The following FHAD1 variants were observed in gnomAD, a reference collection of about 807,000 sequenced individuals.
FHAD1 encodes forkhead associated phosphopeptide binding domain 1, also known as forkhead-associated domain-containing protein 1.
Under a neutral mutation model 191.3 loss-of-function variants are expected in FHAD1, and 146 were observed. That is an observed-to-expected ratio of 0.76 (90% CI 0.67 to 0.88). FHAD1 has a LOEUF of 0.88. Ranked by LOEUF, FHAD1 falls within the 40% of genes least tolerant of loss-of-function variation. FHAD1 has a pLI of 0.00. For missense variants in FHAD1, 1,635 were observed against 1,785.8 expected (o/e 0.92, Z 1.52); for synonymous variants, 616 against 672.3 (o/e 0.92, Z 1.29).
rs1674372454 is a variant in FHAD1 at position 15,316,147 on chromosome 1, G to C, written c.1171-231G>C. Among the ~76,000 whole-genome samples, 1 of 152,242 alleles carries C rather than the reference G, an allele frequency of 6.6e-6. No individual in the cohort carries two copies. Among genetic ancestry groups the C allele is most frequent in the Non-Finnish European group, 1.5e-5 (1 of 68,046 alleles). On this transcript the variant is annotated intron_variant, in intron 8 of 33. Coordinates refer to ENST00000688493, the MANE Select transcript of FHAD1 (RefSeq NM_001391957.1). The surrounding 1 kb of genome is among the most constrained non-coding windows in gnomAD (Gnocchi z 4.3). ...TTAGATTGCTGGCTTTTGAAGATGA[G>C]AGTAGTGGCTTTATTCCTCTGATTT...
chr1:15,239,615 A>T (rs979780859), intron 1 of FHAD1, among the ~76,000 whole-genome samples: 12 of 152,218 alleles, frequency 7.9e-5, no homozygotes, highest in Admixed American at 2.0e-4. Context: ...AACAACAAAG[A>T]ACCTTCACCA....
intron 15 of FHAD1, among the ~76,000 whole-genome samples, chr1:15,340,593 G>A (rs1285821044): frequency 6.6e-6 from 1 of 152,038 alleles, no homozygotes; most frequent in African/African-American, 2.4e-5. Context: ...AGATCCCATT[G>A]GCCAGAACAA....
rs1401471420 is a variant in FHAD1, at chr1:15,396,564, C to T, written c.4324-733C>T. Among the ~76,000 whole-genome samples the T allele has an allele frequency of 6.6e-5, 10 of 152,002 alleles. No individual in the cohort carries two copies. In the East Asian group the frequency reaches 1.2e-3, roughly 18 times the overall value. On this transcript the variant is annotated intron_variant, in intron 33 of 33. Coordinates refer to ENST00000688493, the MANE Select transcript of FHAD1 (RefSeq NM_001391957.1). ...TGGCTTATGCCTGTAATCCTAGCAC[C>T]GTGGGAGGCCAAGGCAGGCAGATCA...
Position 15,345,077 on chromosome 1 carries a change from T to G in FHAD1, c.2131-6T>G. On this transcript the variant is annotated splice_region_variant and splice_polypyrimidine_tract_variant and intron_variant, in intron 16 of 33. Transcript: ENST00000688493. Reference sequence around the variant, plus strand: ...TGTCTGTTAAACAATGGTCATTGGTTTCCAGGCTTTGGAGGAGTACATTAC... The same window carrying G: ...TGTCTGTTAAACAATGGTCATTGGTGTCCAGGCTTTGGAGGAGTACATTAC... The G allele has an allele frequency of 6.5e-7, 1 of 1,549,980 alleles. No individual in the cohort carries two copies.
chr1:15,342,600 T>C (rs1409994661), intron 16 of FHAD1, among the ~76,000 whole-genome samples: 2 of 152,136 alleles, frequency 1.3e-5, no homozygotes, highest in African/African-American at 4.8e-5. Flanking sequence ...AATCAGAACA[T>C]CTGGAGAGGG....
At chr1:15,376,553 A>G (rs1699710497) in intron 28 of FHAD1, among the ~76,000 whole-genome samples, 1 of 152,214 alleles carries the variant, frequency 6.6e-6, no homozygotes, top group Admixed American at 6.5e-5. Context: ...CTAGAGTCAG[A>G]GGGACCTGTG....
At chr1:15,392,277 A>C (rs1188592854) in intron 33 of FHAD1, among the ~76,000 whole-genome samples, 1 of 152,134 alleles carries the variant, frequency 6.6e-6, no homozygotes, top group Non-Finnish European at 1.5e-5. Context: ...TCACGCCTGT[A>C]ATCCCAGCAC....
At chr1:15,363,971 C>A in intron 23 of FHAD1, 1 of 346,934 alleles carries the variant, frequency 2.9e-6, no homozygotes. Flanking sequence ...CAAGGATACT[C>A]AGCCTCCGCA....
At chr1:15,344,029 C>G (rs754252889) in intron 16 of FHAD1, among the ~76,000 whole-genome samples, 2 of 152,222 alleles carry the variant, frequency 1.3e-5, no homozygotes, top group African/African-American at 4.8e-5. Flanking sequence ...GCGTCAGCCC[C>G]TCTTTTAAAC....
At chr1:15,348,002 G>C (rs1263585245) in intron 18 of FHAD1, among the ~76,000 whole-genome samples, 2 of 152,188 alleles carry the variant, frequency 1.3e-5, no homozygotes, top group African/African-American at 4.8e-5. Context: ...CGCAGAGTCA[G>C]ACACAGCAGA....
chr1:15,332,978 C>A (rs1175408922), intron 14 of FHAD1, among the ~76,000 whole-genome samples: 1 of 152,130 alleles, frequency 6.6e-6, no homozygotes, highest in Non-Finnish European at 1.5e-5. Flanking sequence ...CCTTGCCCCG[C>A]CCCCAACTAA....
chr1:15,329,322 C>T lies in FHAD1; in HGVS notation c.1711-24C>T, dbSNP rs999130336. 6.6e-6 allele frequency: 10 copies of T among 1,525,338 alleles called. No homozygotes were observed. The highest frequency in any genetic ancestry group is 2.5e-5 in the East Asian group (1 of 40,358). 94.5% of individuals were successfully genotyped at this position (1,525,338 alleles called of 1,614,324 possible). ...TATTTCTGGCCACAGGGCCTGGGCT[C>T]CTCATGATCTCACCTCTTTGCAGGC... is the stretch of plus-strand genomic sequence containing the variant. On this transcript the variant is annotated intron_variant, in intron 13 of 33. Transcript: ENST00000688493. The surrounding 1 kb of genome is among the most constrained non-coding windows in gnomAD (Gnocchi z 5.0).
intron 20 of FHAD1, among the ~76,000 whole-genome samples, chr1:15,355,133 C>T (rs190621607): frequency 4.0e-5 from 6 of 151,268 alleles, no homozygotes; most frequent in East Asian, 1.9e-4. Context: ...CACTTGAACC[C>T]GGGAGGCAGA....
At chr1:15,333,306 A>G (rs1298265475) in intron 14 of FHAD1, among the ~76,000 whole-genome samples, 1 of 151,994 alleles carries the variant, frequency 6.6e-6, no homozygotes, top group Non-Finnish European at 1.5e-5. Context: ...CAGAAGGAGG[A>G]GCGGGAAGAG....
intron 7 of FHAD1, among the ~76,000 whole-genome samples, chr1:15,309,766 G>A (rs987173977): frequency 3.9e-5 from 6 of 152,068 alleles, no homozygotes; most frequent in African/African-American, 1.4e-4. Flanking sequence ...TGTGGCTCAG[G>A]GAAGCCAAAA....
chr1:15,384,822 G>T (rs1701726911), intron 31 of FHAD1, among the ~76,000 whole-genome samples: 1 of 152,170 alleles, frequency 6.6e-6, no homozygotes, highest in Admixed American at 6.5e-5. Context: ...CACAGGGCAC[G>T]GCCCACCCTC....
intron 33 of FHAD1, among the ~76,000 whole-genome samples, chr1:15,392,103 C>T (rs1704213393): frequency 6.6e-6 from 1 of 152,210 alleles, no homozygotes; most frequent in Non-Finnish European, 1.5e-5. Flanking sequence ...AGAATGGGGG[C>T]AGATGGTGCT....
intron 26 of FHAD1, among the ~76,000 whole-genome samples, chr1:15,372,605 A>G (rs1698436311): frequency 6.6e-6 from 1 of 152,196 alleles, no homozygotes; most frequent in Non-Finnish European, 1.5e-5. Flanking sequence ...CTACCATTCA[A>G]TAGATAGATG....
Position 15,289,527 on chromosome 1 carries a change from G to C in FHAD1, c.429G>C (p.Pro143=). ...TCCACCAAGGTGTCCAGCCAGCACCGATGCAAAGGAGCTGGTCCCAGGCCT... is the reference window on the plus strand; with the variant it reads ...TCCACCAAGGTGTCCAGCCAGCACCCATGCAAAGGAGCTGGTCCCAGGCCT... ...IPFHQGVQPA[P]MQRSWSQAFP... is the part of the protein sequence containing the mutation. Residue 143 remains proline, a synonymous_variant, in exon 4 of 34, where the codon CCG becomes CCC. Coordinates refer to ENST00000688493, the MANE Select transcript of FHAD1 (RefSeq NM_001391957.1). This position sits in a 1 kb window ranked among gnomAD's most constrained non-coding sequence, Gnocchi z 4.2. 6.4e-7 allele frequency: 1 copy of C among 1,551,838 alleles called. No individual in the cohort carries two copies.
Sources: allele counts gnomAD v4.1 joint callset (sites outside exome capture counted in the v4.1 genomes callset), GRCh38; gene constraint gnomAD v4.1.1; non-coding constraint Gnocchi (gnomAD v3.1); transcripts MANE v1.5; gene names NCBI Gene and HGNC (gene_info 2026-07-23, HGNC 2026-07-21).